PTK2B: variants seen among roughly 807,000 people sequenced by gnomAD.
The protein encoded by PTK2B is protein-tyrosine kinase 2-beta.
A neutral mutation model predicts 142.9 loss-of-function variants in PTK2B; 71 were observed. That is an observed-to-expected ratio of 0.50 (90% CI 0.41 to 0.61). PTK2B has a LOEUF of 0.61. Among genes scored for constraint, PTK2B ranks in the 20% least tolerant of loss-of-function variants. The pLI, the probability that PTK2B is intolerant of heterozygous loss-of-function variation, is 0.00. For synonymous variants in PTK2B, 519 were observed against 503.4 expected (o/e 1.03, Z -0.42); for missense variants, 1,105 against 1,320.4 (o/e 0.84, Z 2.53).
intron 2 of PTK2B, among the ~76,000 whole-genome samples, chr8:27,398,581 A>G (rs1350955758): frequency 6.6e-6 from 1 of 152,224 alleles, no homozygotes; most frequent in Non-Finnish European, 1.5e-5. Context: ...CACTGAGGAC[A>G]TACCTTTCCT....
At chr8:27,447,954 G>A (rs896075459) in intron 24 of PTK2B, among the ~76,000 whole-genome samples, 5 of 152,208 alleles carry the variant, frequency 3.3e-5, no homozygotes, top group East Asian at 3.8e-4. Flanking sequence ...GAAGGGGGGA[G>A]GCGCTGCTTT....
In PTK2B at chr8:27,451,765, C is replaced by T. The variant is rs540635616; in HGVS notation, c.2548+256C>T. 5.9e-6 allele frequency: 8 copies of T among 1,349,236 alleles called. No individual in the cohort carries two copies. In the South Asian group the frequency reaches 7.2e-5, roughly 12 times the overall value. The allele number at this position is 1,349,236 out of a possible 1,614,324, so 83.6% of individuals were successfully genotyped here. A position where few individuals can be genotyped will look rare whatever the true frequency, so the allele number is the denominator to read the frequency against. ...CTTAGGCCCCTCCTCAGATCATCCC[C>T]CTCCTGCATTAGTTTGGAGGAGCTG... is the stretch of plus-strand genomic sequence containing the variant. On this transcript the variant is annotated intron_variant, in intron 27 of 30. Transcript: ENST00000346049.
At chr8:27,381,571 T>G (rs897841342) in intron 1 of PTK2B, among the ~76,000 whole-genome samples, 1 of 152,234 alleles carries the variant, frequency 6.6e-6, no homozygotes, top group Non-Finnish European at 1.5e-5. Flanking sequence ...TTCGGTTGAT[T>G]TCCTGTTTTG....
chr8:27,453,768 G>A (rs1369884481), intron 28 of PTK2B, among the ~76,000 whole-genome samples: 1 of 152,178 alleles, frequency 6.6e-6, no homozygotes, highest in Non-Finnish European at 1.5e-5. Context: ...CTGCTACTCA[G>A]GAGACTGAGG....
chr8:27,317,449 C>A (rs149958648), intron 3 of PTK2B, among the ~76,000 whole-genome samples: 1 of 150,788 alleles, frequency 6.6e-6, no homozygotes, highest in Non-Finnish European at 1.5e-5. Context: ...TTTTCCATTT[C>A]CTTATGCCTT....
intron 12 of PTK2B, 65 bp from the exon 13 acceptor site, chr8:27,434,447 AG>A (rs1810644123): frequency 3.9e-6 from 6 of 1,520,604 alleles, no homozygotes; most frequent in Non-Finnish European, 5.4e-6. Flanking sequence ...GGGCGGGCCG[AG>A]GCTGCCCAGG....
At chr8:27,404,439 C>G (rs140108170) in intron 2 of PTK2B, among the ~76,000 whole-genome samples, 194 of 152,294 alleles carry the variant, frequency 1.3e-3, no homozygotes, top group African/African-American at 4.3e-3. Context: ...AGCATCACCC[C>G]ACTCAGAATT....
intron 24 of PTK2B, among the ~76,000 whole-genome samples, chr8:27,446,892 T>G (rs186560242): frequency 6.6e-6 from 1 of 152,348 alleles, no homozygotes; most frequent in Admixed American, 6.5e-5. Flanking sequence ...GTGAAATCAA[T>G]TTTCCTCTGA....
intron 1 of PTK2B, among the ~76,000 whole-genome samples, chr8:27,331,958 G>T (rs1410615593): frequency 6.6e-6 from 1 of 152,152 alleles, no homozygotes; most frequent in Non-Finnish European, 1.5e-5. Context: ...CCCACCCCAG[G>T]TAGGTTATGA....
At chr8:27,435,635 T>C in intron 13 of PTK2B, 108 bp from the exon 14 acceptor site, 3 of 1,358,016 alleles carry the variant, frequency 2.2e-6, no homozygotes, top group Non-Finnish European at 3.1e-6. Context: ...CTTCTCCTCC[T>C]ACCCCCTTGG....
intron 1 of PTK2B, among the ~76,000 whole-genome samples, chr8:27,327,171 G>T (rs1287411142): frequency 3.3e-5 from 5 of 152,190 alleles, no homozygotes; most frequent in African/African-American, 1.2e-4. Context: ...CCAGGAAAAT[G>T]AAAGTAGCTG....
intron 1 of PTK2B, among the ~76,000 whole-genome samples, chr8:27,336,480 G>C (rs564691888): frequency 6.6e-6 from 1 of 152,128 alleles, no homozygotes; most frequent in African/African-American, 2.4e-5. Context: ...CATTGAGTAC[G>C]TACAATGTGT....
At chr8:27,428,609 TG>T (rs1810223955) in intron 5 of PTK2B, among the ~76,000 whole-genome samples, 1 of 152,170 alleles carries the variant, frequency 6.6e-6, no homozygotes, top group African/African-American at 2.4e-5. Flanking sequence ...TAGGGAGGAT[TG>T]GGGGTGGACT....
At chr8:27,454,070 G>T (rs906118134) in intron 28 of PTK2B, 84 bp from the exon 29 acceptor site, 169 of 1,560,498 alleles carry the variant, frequency 1.1e-4, no homozygotes, top group Non-Finnish European at 1.4e-4. Context: ...GGTGGAGTTG[G>T]CCACAGTGGT....
chr8:27,458,379 C>A lies in PTK2B; in HGVS notation c.2900C>A (p.Ser967Tyr). 1 of 1,613,718 alleles carries A rather than the reference C, an allele frequency of 6.2e-7. No individual in the cohort carries two copies. The change falls in exon 31 of 31, where the codon TCC (serine) becomes TAC (tyrosine). Residue 967 changes from serine (S) to tyrosine (Y), a missense_variant. Transcript: ENST00000346049. ...MRLAQQNAVT[S>Y]LSEECKRQML... ...CTGGCACAGCAGAACGCCGTGACCT[C>A]CCTAAGTGAGGAGTGCAAGAGGCAG... is the stretch of plus-strand genomic sequence containing the variant.
At chr8:27,335,242 T>C (rs1323244831) in intron 1 of PTK2B, among the ~76,000 whole-genome samples, 1 of 152,218 alleles carries the variant, frequency 6.6e-6, no homozygotes, top group Non-Finnish European at 1.5e-5. Context: ...TTTATCTGCA[T>C]TGTCACCAGT....
intron 1 of PTK2B, among the ~76,000 whole-genome samples, chr8:27,327,528 A>G (rs1216358360): frequency 6.6e-6 from 1 of 152,124 alleles, no homozygotes; most frequent in African/African-American, 2.4e-5. Context: ...TTATCTGGCA[A>G]CCCTACTCTA....
chr8:27,430,352 T>C lies in PTK2B; in HGVS notation c.615-12T>C. ...GGGGAGTCACATGCTGCCTTTTTCT[T>C]CCTTCTTGCAGAAAGGAAGTGGGGC... On this transcript the variant is annotated splice_polypyrimidine_tract_variant and intron_variant, in intron 6 of 30. Transcript: ENST00000346049. The C allele has an allele frequency of 1.2e-6, 2 of 1,614,114 alleles. No homozygotes were observed. Among genetic ancestry groups the C allele is most frequent in the Non-Finnish European group, 1.7e-6 (2 of 1,180,028 alleles).
chr8:27,397,258 C>G (rs1808107391), intron 1 of PTK2B, among the ~76,000 whole-genome samples: 2 of 152,158 alleles, frequency 1.3e-5, no homozygotes, highest in African/African-American at 4.8e-5. Context: ...GCCTGGGTGC[C>G]AGGGTGGAGG....
Sources: allele counts gnomAD v4.1 joint callset (sites outside exome capture counted in the v4.1 genomes callset), GRCh38; gene constraint gnomAD v4.1.1; transcripts MANE v1.5; gene names NCBI Gene and HGNC (gene_info 2026-07-23, HGNC 2026-07-21).